Variants in MYH16 observed in about 807,000 individuals in gnomAD.
The protein encoded by MYH16 is myosin heavy chain 16.
At position 99,294,347 on chromosome 7, in the gene MYH16, C is replaced by T. The variant is rs375371752; in HGVS notation, n.4282+197C>T. Among the ~76,000 whole-genome samples, 11 of 151,576 alleles carry T rather than the reference C, an allele frequency of 7.3e-5. 1 individual carries two copies. The East Asian group carries it at 2.1e-3, about 29-fold the overall frequency. ...ACGTGTTCATGAACTCTTCCGAGAT[C>T]TAACATTCAACAAGCTACTGTTTAA... On this transcript the variant is annotated intron_variant and non_coding_transcript_variant, in intron 33 of 41. Coordinates refer to ENST00000439784, the Ensembl canonical transcript of MYH16.
intron 30 of MYH16, among the ~76,000 whole-genome samples, chr7:99,289,613 A>G (rs762739854): frequency 6.6e-6 from 1 of 152,232 alleles, no homozygotes; most frequent in Non-Finnish European, 1.5e-5. Context: ...TTTCGTATCC[A>G]TTCTCTCACC....
intron 11 of MYH16, among the ~76,000 whole-genome samples, chr7:99,258,862 T>C (rs563264604): frequency 6.6e-6 from 1 of 151,938 alleles, no homozygotes; most frequent in Non-Finnish European, 1.5e-5. Flanking sequence ...CAAACTGCTA[T>C]AAAAAACTAC....
intron 18 of MYH16, among the ~76,000 whole-genome samples, chr7:99,269,643 A>G (rs1792024309): frequency 6.6e-6 from 1 of 152,128 alleles, no homozygotes; most frequent in Non-Finnish European, 1.5e-5. Context: ...TTTGAGCTTC[A>G]TGGAAGTATC....
At chr7:99,282,751 G>A (rs1792216847) in intron 23 of MYH16, among the ~76,000 whole-genome samples, 2 of 151,756 alleles carry the variant, frequency 1.3e-5, no homozygotes, top group African/African-American at 4.8e-5. Context: ...GGTTGCTTGA[G>A]CCCAAGAGGT....
chr7:99,282,133 C>T (rs1204558091), intron 23 of MYH16, among the ~76,000 whole-genome samples: 2 of 152,170 alleles, frequency 1.3e-5, no homozygotes, highest in Non-Finnish European at 2.9e-5. Context: ...AGTGATTCTC[C>T]TGCCTCAGCC....
chr7:99,299,931 ATTTATTTATTT>A, intron 37 of MYH16, among the ~76,000 whole-genome samples: 1 of 61,070 alleles, frequency 1.6e-5, no homozygotes, highest in East Asian at 7.5e-4. Flanking sequence ...ATTTTATTTT[ATTTATTTATTT>A]ATTTATTTAT....
chr7:99,277,228 A>G (rs1792126789), intron 20 of MYH16, among the ~76,000 whole-genome samples: 1 of 152,186 alleles, frequency 6.6e-6, no homozygotes, highest in Admixed American at 6.5e-5. Flanking sequence ...AACATGCAGA[A>G]CAGATGTAAG....
chr7:99,283,766 G>A (rs1429438409), intron 24 of MYH16, 107 bp from the exon 7 acceptor site: 2 of 433,628 alleles, frequency 4.6e-6, no homozygotes, highest in Non-Finnish European at 9.3e-6. Flanking sequence ...GGGCGTGAGG[G>A]CCCTTCTGAT....
In MYH16 at chr7:99,287,753, G is replaced by A; in HGVS notation, n.3461-139G>A. 4 of 364,600 alleles carry A rather than the reference G, an allele frequency of 1.1e-5. 1 individual carries two copies. Among genetic ancestry groups the A allele is most frequent in the South Asian group, 8.0e-5 (4 of 49,874 alleles). 22.6% of individuals were successfully genotyped at this position (364,600 alleles called of 1,614,324 possible). ...TGTGGGCAACCCCCACCCCCCAAAG[G>A]CTAAACATTGGCATTTCAAGCAGGA... On this transcript the variant is annotated intron_variant and non_coding_transcript_variant, in intron 28 of 41. Coordinates refer to ENST00000439784, the Ensembl canonical transcript of MYH16.
chr7:99,257,628 G>A (rs561741305), intron 10 of MYH16, among the ~76,000 whole-genome samples: 22 of 152,268 alleles, frequency 1.4e-4, no homozygotes, highest in Middle Eastern at 3.4e-3. Context: ...TTTTGTTGTC[G>A]TTGTTGTTTT....
At chr7:99,284,687 CCTT>C (rs1312529763) in intron 25 of MYH16, among the ~76,000 whole-genome samples, 155 bp from the exon 8 acceptor site, 3 of 152,158 alleles carry the variant, frequency 2.0e-5, no homozygotes, top group Admixed American at 2.0e-4. Context: ...TAGGGTGAGA[CCTT>C]CTGGGCTGTC....
chr7:99,282,286 A>G (rs1406662967), intron 23 of MYH16, among the ~76,000 whole-genome samples: 1 of 152,008 alleles, frequency 6.6e-6, no homozygotes, highest in African/African-American at 2.4e-5. Context: ...TGAGCCTCCC[A>G]AAGTGCTGGG....
chr7:99,280,245 C>G (rs1358598147), intron 22 of MYH16, among the ~76,000 whole-genome samples: 1 of 152,262 alleles, frequency 6.6e-6, no homozygotes, highest in Admixed American at 6.5e-5. Context: ...AGCCACATTG[C>G]AGGTGCTCAG....
intron 20 of MYH16, among the ~76,000 whole-genome samples, chr7:99,274,203 C>T (rs1792081796): frequency 6.6e-6 from 1 of 152,180 alleles, no homozygotes; most frequent in Non-Finnish European, 1.5e-5. Context: ...CACAGAGGTC[C>T]CAAGCAGCCA....
chr7:99,268,397 G>A (rs573363821), intron 18 of MYH16, among the ~76,000 whole-genome samples: 5 of 152,224 alleles, frequency 3.3e-5, no homozygotes, highest in African/African-American at 4.8e-5. Flanking sequence ...AGAACGAAGC[G>A]GGACAGAGCT....
chr7:99,243,083 G>A (rs1791683217), intron 1 of MYH16, among the ~76,000 whole-genome samples: 1 of 152,214 alleles, frequency 6.6e-6, no homozygotes, highest in Non-Finnish European at 1.5e-5. Flanking sequence ...TCAGAGAGGA[G>A]GCAGTTGAAG....
chr7:99,292,436 C>T (rs1283793344), exon 32 of MYH16: 1 of 461,088 alleles, frequency 2.2e-6, no homozygotes, highest in South Asian at 1.5e-5. Flanking sequence ...AAACTCAACA[C>T]TGAGGTCACC....
rs114631762 is a variant in MYH16 at position 99,260,452 on chromosome 7, C to T, written n.1575+118C>T. On this transcript the variant is annotated intron_variant and non_coding_transcript_variant, in intron 12 of 41. Coordinates refer to ENST00000439784, the Ensembl canonical transcript of MYH16. The stretch of plus-strand genomic sequence containing the variant: ...GTCAGTGACACCACCAGTGACCTTC[C>T]TTGGTATGACCTCTAGCTCCCTATC... The T allele has an allele frequency of 5.2e-4, 266 of 512,044 alleles. 1 individual carries two copies. The highest frequency in any genetic ancestry group is 4.8e-3 in the African/African-American group (246 of 51,774). The allele number at this position is 512,044 out of a possible 1,614,324, so 31.7% of individuals were successfully genotyped here. A position where few individuals can be genotyped will look rare whatever the true frequency, so the allele number is the denominator to read the frequency against.
intron 30 of MYH16, among the ~76,000 whole-genome samples, chr7:99,289,846 A>C (rs1792343010): frequency 6.6e-6 from 1 of 152,212 alleles, no homozygotes; most frequent in East Asian, 1.9e-4. Context: ...AACTTTGCTA[A>C]GTTAGATGCA....
Sources: allele counts gnomAD v4.1 joint callset (sites outside exome capture counted in the v4.1 genomes callset), GRCh38; gene constraint gnomAD v4.1.1; transcripts MANE v1.5; gene names NCBI Gene and HGNC (gene_info 2026-07-23, HGNC 2026-07-21).